Variants in SECISBP2L observed in about 807,000 individuals in gnomAD.
SECISBP2L encodes the protein selenocysteine insertion sequence-binding protein 2-like.
Under a neutral mutation model 114.7 loss-of-function variants are expected in SECISBP2L, and 43 were observed. The observed-to-expected ratio is 0.38, with a 90% CI of 0.29 to 0.48. The LOEUF (loss-of-function observed/expected upper bound fraction) is 0.48, where lower values mean the gene tolerates loss of function less well. Ranked by LOEUF, SECISBP2L falls within the 20% of genes least tolerant of loss-of-function variation. The probability of loss-of-function intolerance (pLI) is 0.98; values close to 1 mark genes in which losing one functional copy is unlikely to be tolerated. For missense variants in SECISBP2L, 1,136 were observed against 1,301.1 expected (o/e 0.87, Z 1.95); for synonymous variants, 451 against 439.7 (o/e 1.03, Z -0.32).
intron 14 of SECISBP2L, among the ~76,000 whole-genome samples, chr15:49,008,449 T>A (rs2141066984): frequency 6.6e-6 from 1 of 152,342 alleles, no homozygotes; most frequent in South Asian, 2.1e-4. Flanking sequence ...AAGCTGTTCA[T>A]TTCATACATA....
At chr15:48,993,939 A>G (rs1459274235) in intron 17 of SECISBP2L, among the ~76,000 whole-genome samples, 2 of 152,140 alleles carry the variant, frequency 1.3e-5, no homozygotes, top group Admixed American at 6.5e-5. Context: ...ATCAAGTTGT[A>G]GCAAACCTAT....
chr15:49,005,149 G>A (rs1364462067), intron 14 of SECISBP2L, among the ~76,000 whole-genome samples: 1 of 152,154 alleles, frequency 6.6e-6, no homozygotes, highest in Non-Finnish European at 1.5e-5. Flanking sequence ...GGCCAACATG[G>A]CGAAATCCTG....
chr15:49,021,226 A>T (rs1488028423), intron 7 of SECISBP2L, among the ~76,000 whole-genome samples: 1 of 152,140 alleles, frequency 6.6e-6, no homozygotes, highest in East Asian at 1.9e-4. Flanking sequence ...CGAATTTGCC[A>T]GTGCCTTGGA....
chr15:49,000,055 GC>G, intron 15 of SECISBP2L, 68 bp from the exon 16 acceptor site: 2 of 1,537,218 alleles, frequency 1.3e-6, no homozygotes, highest in African/African-American at 1.4e-5. Flanking sequence ...ACACCCGATA[GC>G]TAAAGCATAA....
At chr15:49,008,537 C>G (rs1902368740) in intron 14 of SECISBP2L, among the ~76,000 whole-genome samples, 1 of 152,156 alleles carries the variant, frequency 6.6e-6, no homozygotes, top group African/African-American at 2.4e-5. Flanking sequence ...CAAAGCTAGG[C>G]AGGAAGTATT....
At position 48,996,393 on chromosome 15, in the gene SECISBP2L, A is replaced by T; in HGVS notation, c.2597T>A (p.Ile866Asn). ...ATATTCCTTTTCATTTACTTCAGAG[A>T]TCGGTTCAGAAATAACACTGCAGAA... ...ISFCSVISEP[I>N]SEVNEKEYET... The change falls in exon 17 of 18, where the codon ATC becomes AAC. Residue 866 changes from isoleucine (I) to asparagine (N), a missense_variant. Coordinates refer to ENST00000559471, the MANE Select transcript of SECISBP2L (RefSeq NM_001193489.2). The T allele has an allele frequency of 6.2e-7, 1 of 1,614,072 alleles. No homozygotes were observed. Among genetic ancestry groups the T allele is most frequent in the Non-Finnish European group, 8.5e-7 (1 of 1,179,984 alleles).
Position 49,028,144 on chromosome 15 carries a change from C to G in SECISBP2L, c.919G>C (p.Gly307Arg). 1 of 1,579,148 alleles carries G rather than the reference C, an allele frequency of 6.3e-7. No homozygotes were observed. ...MNHVESSMCA[G>R]GVNWSNVTCQ... ...AAAACACAATGCAGAAAACAAGTAC[C>G]TGCACACATAGATGATTCCACATGC... The change falls in exon 6 of 18, where the codon GGT (glycine) becomes CGT (arginine). Residue 307 changes from glycine to arginine, a missense_variant and splice_region_variant. By Grantham distance (125) the Gly-to-Arg change is moderately radical. Transcript: ENST00000559471.
Position 49,028,438 on chromosome 15 carries a change from G to A in SECISBP2L, c.894+15C>T. 6.2e-7 allele frequency: 1 copy of A among 1,609,190 alleles called. No individual in the cohort carries two copies. On this transcript the variant is annotated intron_variant, in intron 5 of 17. Coordinates refer to ENST00000559471, the MANE Select transcript of SECISBP2L (RefSeq NM_001193489.2). ...TATCAATGACCAATAAAGAAATCAAGACGATGTCACATACATTCATGGTCC... is the reference window on the plus strand; with the variant it reads ...TATCAATGACCAATAAAGAAATCAAAACGATGTCACATACATTCATGGTCC...
intron 14 of SECISBP2L, among the ~76,000 whole-genome samples, chr15:49,006,160 T>C (rs1239147051): frequency 6.6e-6 from 1 of 152,184 alleles, no homozygotes; most frequent in Non-Finnish European, 1.5e-5. Context: ...ACCCGACCTT[T>C]CTCTCTGGCT....
Position 49,011,831 on chromosome 15 carries a change from C to T in SECISBP2L, c.1764G>A (p.Gly588=), listed in dbSNP as rs1313787403. Residue 588 remains glycine (G), a synonymous_variant, in exon 13 of 18, where the codon GGG becomes GGA. Coordinates refer to ENST00000559471, the MANE Select transcript of SECISBP2L (RefSeq NM_001193489.2). The part of the protein sequence containing the change: ...VILKEREEKK[G]RLTVDHNLLG... ...AAAGATTGTGGTCCACAGTTAAGCG[C>T]CCCTTCTTTTCCTCTCTTTCTTTTA... 3 of 1,614,062 alleles carry T rather than the reference C, an allele frequency of 1.9e-6. No homozygotes were observed. Among genetic ancestry groups the T allele is most frequent in the East Asian group, 4.5e-5 (2 of 44,856 alleles).
intron 12 of SECISBP2L, among the ~76,000 whole-genome samples, chr15:49,012,198 T>C (rs1254092559): frequency 6.6e-6 from 1 of 152,198 alleles, no homozygotes; most frequent in Non-Finnish European, 1.5e-5. Flanking sequence ...TGATTGACAT[T>C]CTACAGTTTT....
At position 48,996,462 on chromosome 15, in the gene SECISBP2L, T is replaced by C. The variant is rs774919201; in HGVS notation, c.2528A>G (p.His843Arg). ...AGAGGGATTCCGAGAATGTCCCATG[T>C]GGTGTGGTACCTTCTTCACATTCTT... ...ALKNVKKVPH[H>R]MGHSRNPSAA... Residue 843 changes from histidine to arginine, a missense_variant, in exon 17 of 18, where the codon CAC becomes CGC. This residue lies in a region of SECISBP2L where 684 missense variants were observed against 848.7 expected (regional missense o/e 0.81). Coordinates refer to ENST00000559471, the MANE Select transcript of SECISBP2L (RefSeq NM_001193489.2). The C allele has an allele frequency of 1.3e-4, 202 of 1,614,028 alleles. No individual in the cohort carries two copies. Among genetic ancestry groups the C allele is most frequent in the Non-Finnish European group, 1.7e-4 (199 of 1,180,014 alleles).
chr15:48,998,176 C>T (rs1902132733), intron 16 of SECISBP2L, among the ~76,000 whole-genome samples: 1 of 152,144 alleles, frequency 6.6e-6, no homozygotes, highest in African/African-American at 2.4e-5. Flanking sequence ...AAAAGTGCTA[C>T]ATTGCTGTAG....
At chr15:49,040,908 T>G (rs1328647376) in intron 1 of SECISBP2L, among the ~76,000 whole-genome samples, 2 of 151,892 alleles carry the variant, frequency 1.3e-5, no homozygotes, top group Non-Finnish European at 2.9e-5. Flanking sequence ...AATAACAAAT[T>G]CTGGCAGTGT....
chr15:49,009,376 T>C lies in SECISBP2L; in HGVS notation c.1867A>G (p.Thr623Ala). The change falls in exon 14 of 18, where the codon ACT (threonine) becomes GCT (alanine). Residue 623 changes from threonine (T) to alanine (A), a missense_variant and splice_region_variant. By Grantham distance (58) the Thr-to-Ala change is moderately conservative. Transcript: ENST00000559471. The part of the protein sequence containing the change: ...LPQEIVSQED[T>A]GLSMPSDTSL... ...GTATCACTGGGCATGCTTAGTCCAG[T>C]ATCTGTGGAGATGTGGAGTGAAGGG... 1.2e-6 allele frequency: 2 copies of C among 1,612,198 alleles called. No individual in the cohort carries two copies. The highest frequency in any genetic ancestry group is 1.7e-6 in the Non-Finnish European group (2 of 1,179,308).
At chr15:48,996,853 T>C (rs1449221154) in intron 16 of SECISBP2L, among the ~76,000 whole-genome samples, 1 of 152,228 alleles carries the variant, frequency 6.6e-6, no homozygotes, top group African/African-American at 2.4e-5. Flanking sequence ...TCTTACACTA[T>C]TCAACAAGTG....
intron 17 of SECISBP2L, among the ~76,000 whole-genome samples, chr15:48,993,570 A>C (rs565058080): frequency 6.6e-6 from 1 of 152,158 alleles, no homozygotes; most frequent in Admixed American, 6.5e-5. Flanking sequence ...TGTTTGTACC[A>C]TGCTCACTCA....
At chr15:49,045,391 A>T (rs886461135) in intron 1 of SECISBP2L, among the ~76,000 whole-genome samples, 1 of 152,246 alleles carries the variant, frequency 6.6e-6, no homozygotes, top group African/African-American at 2.4e-5. Flanking sequence ...TTCTTCCGTC[A>T]TCTAGTCATC....
Position 49,009,314 on chromosome 15 carries a change from A to G in SECISBP2L, c.1929T>C (p.Cys643=). The G allele has an allele frequency of 6.2e-7, 1 of 1,614,174 alleles. No homozygotes were observed. Among genetic ancestry groups the G allele is most frequent in the Middle Eastern group, 1.6e-4 (1 of 6,062 alleles). ...LSPASQNSPY[C]MTPVSQGSPA... Reference sequence around the variant, plus strand: ...GAGAGCCTTGTGACACAGGTGTCATACAGTATGGAGAGTTCTGACTTGCTG... The same window carrying G: ...GAGAGCCTTGTGACACAGGTGTCATGCAGTATGGAGAGTTCTGACTTGCTG... Residue 643 remains cysteine (C), a synonymous_variant, in exon 14 of 18, where the codon TGT becomes TGC. Transcript: ENST00000559471.
Sources: allele counts gnomAD v4.1 joint callset (sites outside exome capture counted in the v4.1 genomes callset), GRCh38; gene constraint gnomAD v4.1.1; regional missense constraint gnomAD v4.1.1; transcripts MANE v1.5; gene names NCBI Gene and HGNC (gene_info 2026-07-23, HGNC 2026-07-21).